Variants in FBXO40 observed in about 807,000 individuals in gnomAD.
FBXO40 encodes F-box only protein 40.
FBXO40 carries 50 observed loss-of-function variants against 49.9 expected under a neutral mutation model. That is an observed-to-expected ratio of 1.00 (90% confidence interval 0.80 to 1.27). The LOEUF (loss-of-function observed/expected upper bound fraction) is 1.27, where lower values mean the gene tolerates loss of function less well. Ranked by LOEUF, FBXO40 falls within the 50% of genes most tolerant of loss-of-function variation. The pLI is 0.00. For synonymous variants in FBXO40, 340 were observed against 320.2 expected (o/e 1.06, Z -0.66); for missense variants, 895 against 870.1 (o/e 1.03, Z -0.36).
chr3:121,623,307 T>C lies in FBXO40; in HGVS notation c.1878T>C (p.Tyr626=), dbSNP rs760734100. Residue 626 remains tyrosine (Y), a synonymous_variant, in exon 3 of 4, where the codon TAT becomes TAC. Transcript: ENST00000338040. ...MVLLQWKKKR[Y]SHGGTSWRVH... ...TTTTGCAATGGAAGAAAAAGAGGTATTCCCATGGAGGCACCTCCTGGAGAG... is the reference window on the plus strand; with the variant it reads ...TTTTGCAATGGAAGAAAAAGAGGTACTCCCATGGAGGCACCTCCTGGAGAG... 3 of 1,614,098 alleles carry C rather than the reference T, an allele frequency of 1.9e-6. No homozygotes were observed. Among genetic ancestry groups the C allele is most frequent in the Non-Finnish European group, 2.5e-6 (3 of 1,180,034 alleles).
chr3:121,597,091 CTCTCACCAT>C (rs1395533652), intron 1 of FBXO40, among the ~76,000 whole-genome samples: 2 of 152,214 alleles, frequency 1.3e-5, no homozygotes, highest in African/African-American at 4.8e-5. Context: ...ATTGGAACCT[CTCTCACCAT>C]TCTCACCATC....
At chr3:121,618,332 G>A (rs1229685218) in intron 1 of FBXO40, among the ~76,000 whole-genome samples, 1 of 150,540 alleles carries the variant, frequency 6.6e-6, no homozygotes, top group East Asian at 1.9e-4. Context: ...AGTACAAGCT[G>A]AAGTACTTAG....
chr3:121,605,695 C>T (rs2048928879), intron 1 of FBXO40, among the ~76,000 whole-genome samples: 2 of 152,220 alleles, frequency 1.3e-5, no homozygotes, highest in African/African-American at 4.8e-5. Flanking sequence ...TTTCTGTGGT[C>T]TCATTTACTG....
At chr3:121,605,403 C>G (rs1015119110) in intron 1 of FBXO40, among the ~76,000 whole-genome samples, 2 of 152,132 alleles carry the variant, frequency 1.3e-5, no homozygotes, top group Admixed American at 1.3e-4. Context: ...TGCGACCAAT[C>G]GGTAGCAGAT....
intron 1 of FBXO40, among the ~76,000 whole-genome samples, chr3:121,596,122 AC>A (rs2048869659): frequency 6.6e-6 from 1 of 152,190 alleles, no homozygotes; most frequent in South Asian, 2.1e-4. Flanking sequence ...CACCTGCTAT[AC>A]GTGTTAGCAT....
chr3:121,621,410 C>G, intron 2 of FBXO40, 23 bp from the exon 3 acceptor site: 3 of 1,577,914 alleles, frequency 1.9e-6, no homozygotes, highest in Non-Finnish European at 1.7e-6. Context: ...TTGTTTTCTT[C>G]CCCCTGTCCT....
In FBXO40 at chr3:121,627,813, A is replaced by T. The variant is rs1576457853; in HGVS notation, c.*903A>T. On this transcript the variant is annotated 3_prime_UTR_variant, in exon 4 of 4. Transcript: ENST00000338040. ...ATACACTAATGCCAACCTCAGCGTC[A>T]TGCCAGAATGCACAGGGCAGCCCAG... 2.5e-6 allele frequency: 1 copy of T among 398,660 alleles called. No individual in the cohort carries two copies. Among genetic ancestry groups the T allele is most frequent in the East Asian group, 3.6e-5 (1 of 28,068 alleles). 24.7% of individuals were successfully genotyped at this position (398,660 alleles called of 1,614,324 possible).
intron 1 of FBXO40, among the ~76,000 whole-genome samples, chr3:121,593,789 G>A (rs995790699): frequency 6.6e-6 from 1 of 152,118 alleles, no homozygotes; most frequent in Non-Finnish European, 1.5e-5. Flanking sequence ...TTACAACATG[G>A]TGATGGGTGG....
intron 2 of FBXO40, 117 bp downstream of exon 2, chr3:121,620,695 C>A: frequency 7.6e-7 from 1 of 1,316,410 alleles, no homozygotes; most frequent in Non-Finnish European, 1.1e-6. Context: ...TATTTATCAA[C>A]TTTTTTCCAA....
chr3:121,604,498 G>A (rs2048920465), intron 1 of FBXO40, among the ~76,000 whole-genome samples: 1 of 152,020 alleles, frequency 6.6e-6, no homozygotes, highest in Admixed American at 6.5e-5. Context: ...GTGACAAAAG[G>A]AACTTTTTCC....
At chr3:121,595,664 G>T (rs1257464722) in intron 1 of FBXO40, among the ~76,000 whole-genome samples, 1 of 152,156 alleles carries the variant, frequency 6.6e-6, no homozygotes, top group African/African-American at 2.4e-5. Flanking sequence ...AACCCAATGT[G>T]GGAATTAGCC....
Position 121,622,508 on chromosome 3 carries a change from G to C in FBXO40, c.1079G>C (p.Arg360Pro). 1 of 1,614,206 alleles carries C rather than the reference G, an allele frequency of 6.2e-7. No homozygotes were observed. Among genetic ancestry groups the C allele is most frequent in the South Asian group, 1.1e-5 (1 of 91,078 alleles). The change falls in exon 3 of 4, where the codon CGA becomes CCA. Residue 360 changes from arginine to proline, a missense_variant. Physicochemically the swap from Arg to Pro is moderately radical, Grantham distance 103. Coordinates refer to ENST00000338040, the MANE Select transcript of FBXO40 (RefSeq NM_016298.4). ...FKVPVSYCGK[R>P]ARLGDAMLSC... The stretch of plus-strand genomic sequence containing the variant: ...GTTCCTGTGAGCTACTGTGGAAAGC[G>C]AGCTCGACTTGGAGATGCCATGTTG...
At position 121,621,931 on chromosome 3, in the gene FBXO40, G is replaced by A. The variant is rs372552970; in HGVS notation, c.502G>A (p.Glu168Lys). 18 of 1,614,080 alleles carry A rather than the reference G, an allele frequency of 1.1e-5. No individual in the cohort carries two copies. In the African/African-American group the frequency reaches 2.3e-4, roughly 20 times the overall value. ...TATGAATGGTGAAACCAGTGTGGAG[G>A]AAATGGGAGGAGCAGTGGGTGGAGT... ...PTMNGETSVE[E>K]MGGAVGGVDI... The change falls in exon 3 of 4, where the codon GAA becomes AAA. Residue 168 changes from glutamate to lysine, a missense_variant. Physicochemically the swap from Glu to Lys is moderately conservative, Grantham distance 56. Transcript: ENST00000338040.
chr3:121,598,606 G>A (rs2048885030), intron 1 of FBXO40, among the ~76,000 whole-genome samples: 1 of 152,182 alleles, frequency 6.6e-6, no homozygotes, highest in African/African-American at 2.4e-5. Context: ...AAAATAGAAG[G>A]AGTGAGACTG....
intron 1 of FBXO40, among the ~76,000 whole-genome samples, chr3:121,599,724 ATTT>A (rs753693720): frequency 0.33 from 31,507 of 96,358 alleles, 5,077 homozygotes; most frequent in East Asian, 0.62. Flanking sequence ...ATATATATAT[ATTT>A]TTTTTTTTTT....
chr3:121,614,295 A>T (rs2048984813), intron 1 of FBXO40, among the ~76,000 whole-genome samples: 1 of 131,656 alleles, frequency 7.6e-6, no homozygotes, highest in African/African-American at 2.8e-5. Context: ...AAAAAAAATT[A>T]GCTGGGCGTG....
chr3:121,594,548 C>G (rs1224815118), intron 1 of FBXO40, among the ~76,000 whole-genome samples: 1 of 152,188 alleles, frequency 6.6e-6, no homozygotes, highest in Non-Finnish European at 1.5e-5. Flanking sequence ...TTTCTCCAGT[C>G]AACATTTGCT....
At position 121,599,669 on chromosome 3, in the gene FBXO40, CACAT is replaced by C. The variant is rs1317963632; in HGVS notation, c.-31+6168_-31+6171del. Among the ~76,000 whole-genome samples, 5 of 128,662 alleles carry C rather than the reference CACAT, an allele frequency of 3.9e-5. No homozygotes were observed. The Admixed American group carries it at 4.1e-4, about 11-fold the overall frequency. The allele number at this position is 128,662 out of a possible 152,430, so 84.4% of individuals were successfully genotyped here. A position where few individuals can be genotyped will look rare whatever the true frequency, so the allele number is the denominator to read the frequency against. The stretch of plus-strand genomic sequence containing the variant: ...ATTGTAGTGCATACACACACACACA[CACAT>C]GCACACACACACACACACACACACA... On this transcript the variant is annotated intron_variant, in intron 1 of 3. Coordinates refer to ENST00000338040, the MANE Select transcript of FBXO40 (RefSeq NM_016298.4).
At position 121,621,892 on chromosome 3, in the gene FBXO40, G is replaced by A; in HGVS notation, c.463G>A (p.Glu155Lys). Residue 155 changes from glutamate to lysine, a missense_variant, in exon 3 of 4, where the codon GAG becomes AAG. Glu to Lys is a moderately conservative substitution (Grantham distance 56). Coordinates refer to ENST00000338040, the MANE Select transcript of FBXO40 (RefSeq NM_016298.4). ...TTTCCCAGAAACTAGAGAGGCTACT[G>A]AGGAGGAACCAACTATGAATGGTGA... ...ELFPETREAT[E>K]EEPTMNGETS... 1 of 1,614,220 alleles carries A rather than the reference G, an allele frequency of 6.2e-7. No individual in the cohort carries two copies. The highest frequency in any genetic ancestry group is 1.6e-4 in the Middle Eastern group (1 of 6,062).
Sources: gnomAD v4.1 joint callset for allele counts (sites outside exome capture counted in the v4.1 genomes callset) on GRCh38, gnomAD v4.1.1 for gene constraint, MANE v1.5 for transcripts, NCBI Gene and HGNC (gene_info 2026-07-23, HGNC 2026-07-21) for gene names.